The following DENND11 variants were observed in gnomAD, a reference collection of about 807,000 sequenced individuals.
DENND11 encodes DENN domain containing 11.
A neutral mutation model predicts 49.2 loss-of-function variants in DENND11; 34 were observed. That is an observed-to-expected ratio of 0.69 (90% CI 0.53 to 0.92). The LOEUF is 0.92. Among genes scored for constraint, DENND11 ranks in the 40% least tolerant of loss-of-function variants. The probability of loss-of-function intolerance (pLI) is 0.00; values close to 1 mark genes in which losing one functional copy is unlikely to be tolerated. For missense variants in DENND11, 475 were observed against 581.6 expected (o/e 0.82, Z 1.88); for synonymous variants, 238 against 230.3 (o/e 1.03, Z -0.30).
rs369145334 is a variant in DENND11, at chr7:141,683,278, TAAAAG to T, written c.527+2195_527+2199del. On this transcript the variant is annotated intron_variant, in intron 3 of 8. Coordinates refer to ENST00000536163, the MANE Select transcript of DENND11 (RefSeq NM_001080392.2). Reference sequence around the variant, plus strand: ...AAGAAAAAGTTCCTAAAATTAAAAATAAAAGAACTATCTATTGAGCAAAGGGGACA... The same window carrying T: ...AAGAAAAAGTTCCTAAAATTAAAAATAACTATCTATTGAGCAAAGGGGACA... Among the ~76,000 whole-genome samples, 554 of 152,230 alleles carry T rather than the reference TAAAAG, an allele frequency of 3.6e-3. 4 individuals carry two copies. Among genetic ancestry groups the T allele is most frequent in the Middle Eastern group, 0.02 (6 of 294 alleles).
At position 141,661,681 on chromosome 7, in the gene DENND11, T is replaced by C. The variant is rs1797796583; in HGVS notation, c.*975A>G. The C allele has an allele frequency of 6.6e-6, 1 of 152,214 alleles. No homozygotes were observed. The highest frequency in any genetic ancestry group is 2.4e-5 in the African/African-American group (1 of 41,446). 9.4% of individuals were successfully genotyped at this position (152,214 alleles called of 1,614,324 possible). ...TAGATTTTGGAATCCAGTAAATCTG[T>C]GTTGACCCAGAGGTGCTGCTGCTAA... On this transcript the variant is annotated 3_prime_UTR_variant, in exon 9 of 9. Transcript: ENST00000536163.
At chr7:141,688,163 G>A (rs575552168) in intron 1 of DENND11, among the ~76,000 whole-genome samples, 2 of 152,186 alleles carry the variant, frequency 1.3e-5, no homozygotes, top group Non-Finnish European at 2.9e-5. Flanking sequence ...CTAGAGTCTT[G>A]AGAGAACACT....
At position 141,660,017 on chromosome 7, in the gene DENND11, C is replaced by G. The variant is rs768416770; in HGVS notation, c.*2639G>C. On this transcript the variant is annotated 3_prime_UTR_variant, in exon 9 of 9. Coordinates refer to ENST00000536163, the MANE Select transcript of DENND11 (RefSeq NM_001080392.2). ...GGTAGCAAAGGATCCTAGGTTGTGC[C>G]TGTTAATCTGTCATGTTGGGGAGCA... is the stretch of plus-strand genomic sequence containing the variant. 6.6e-6 allele frequency: 1 copy of G among 152,108 alleles called. No homozygotes were observed. Among genetic ancestry groups the G allele is most frequent in the Non-Finnish European group, 1.5e-5 (1 of 68,032 alleles). The allele number at this position is 152,108 out of a possible 1,614,324, so 9.4% of individuals were successfully genotyped here.
intron 3 of DENND11, among the ~76,000 whole-genome samples, chr7:141,677,433 A>G (rs566532084): frequency 1.7e-3 from 245 of 141,004 alleles, no homozygotes; most frequent in African/African-American, 3.8e-3. Flanking sequence ...ACACATATAT[A>G]TGTGTGTGTG....
chr7:141,680,893 G>A (rs369319046), intron 3 of DENND11, among the ~76,000 whole-genome samples: 1 of 152,074 alleles, frequency 6.6e-6, no homozygotes, highest in African/African-American at 2.4e-5. Context: ...TGGAAAAGCT[G>A]TAATTCTATC....
chr7:141,691,796 T>G (rs1401024241), intron 1 of DENND11, among the ~76,000 whole-genome samples: 1 of 152,246 alleles, frequency 6.6e-6, no homozygotes, highest in African/African-American at 2.4e-5. Flanking sequence ...ATGATAATCA[T>G]GTCTTTGACG....
chr7:141,661,310 C>T lies in DENND11; in HGVS notation c.*1346G>A, dbSNP rs1797789468. ...TATGGCCAAAAAGGCCTAAACTCGA[C>T]CCACAGGAACTGGCTTTCTAACTGG... On this transcript the variant is annotated 3_prime_UTR_variant, in exon 9 of 9. Transcript: ENST00000536163. The T allele has an allele frequency of 6.6e-6, 1 of 152,210 alleles. No individual in the cohort carries two copies. The highest frequency in any genetic ancestry group is 1.5e-5 in the Non-Finnish European group (1 of 68,052). The allele number at this position is 152,210 out of a possible 1,614,324, so 9.4% of individuals were successfully genotyped here. A position where few individuals can be genotyped will look rare whatever the true frequency, so the allele number is the denominator to read the frequency against.
At chr7:141,679,484 G>A (rs534756322) in intron 3 of DENND11, among the ~76,000 whole-genome samples, 22 of 152,078 alleles carry the variant, frequency 1.4e-4, no homozygotes, top group African/African-American at 5.1e-4. Flanking sequence ...AGGCTGAGGC[G>A]GGTAGATCAC....
intron 4 of DENND11, among the ~76,000 whole-genome samples, chr7:141,670,339 G>A (rs1797961925): frequency 6.6e-6 from 1 of 152,088 alleles, no homozygotes; most frequent in African/African-American, 2.4e-5. Flanking sequence ...CATATCACAT[G>A]TACAGTCGGC....
chr7:141,682,943 T>A (rs1563001462), intron 3 of DENND11, among the ~76,000 whole-genome samples: 1 of 147,756 alleles, frequency 6.8e-6, no homozygotes, highest in African/African-American at 2.5e-5. Context: ...ATAATATTAC[T>A]TCTGAGACAA....
chr7:141,696,117 T>C (rs1798409474), intron 1 of DENND11, among the ~76,000 whole-genome samples: 1 of 152,186 alleles, frequency 6.6e-6, no homozygotes. Flanking sequence ...GCTGAGGATG[T>C]ACAGATGGTC....
In DENND11 at chr7:141,669,835, G is replaced by A. The variant is rs796730752; in HGVS notation, c.682-3410C>T. On this transcript the variant is annotated intron_variant, in intron 4 of 8. Coordinates refer to ENST00000536163, the MANE Select transcript of DENND11 (RefSeq NM_001080392.2). ...TTTTTTTTTTTTTTTTTTTTGAGAC[G>A]GAGTCTCGCTGTCGCCCAGGCTGGA... 4.6e-4 allele frequency among the ~76,000 whole-genome samples: 56 copies of A among 121,266 alleles called. 1 individual carries two copies. The highest frequency in any genetic ancestry group is 1.4e-3 in the African/African-American group (45 of 32,418). The allele number at this position is 121,266 out of a possible 152,430, so 79.6% of individuals were successfully genotyped here. A position where few individuals can be genotyped will look rare whatever the true frequency, so the allele number is the denominator to read the frequency against.
intron 1 of DENND11, among the ~76,000 whole-genome samples, chr7:141,696,890 C>G (rs555740573): frequency 6.6e-6 from 1 of 152,304 alleles, no homozygotes; most frequent in Admixed American, 6.5e-5. Flanking sequence ...TTAAAACCAC[C>G]TAGTCTGAGA....
Position 141,664,021 on chromosome 7 carries a change from G to C in DENND11, c.1172+151C>G, listed in dbSNP as rs554831353. On this transcript the variant is annotated intron_variant, in intron 8 of 8. Transcript: ENST00000536163. ...CCCCCTAATGGCATTTCAGGGCTCA[G>C]GTTTGCCTCTGTAAGGAGCCCGGCT... 1.4e-5 allele frequency: 8 copies of C among 583,486 alleles called. No homozygotes were observed. In the East Asian group the frequency reaches 1.7e-4, roughly 12 times the overall value. 36.1% of individuals were successfully genotyped at this position (583,486 alleles called of 1,614,324 possible).
At position 141,660,047 on chromosome 7, in the gene DENND11, C is replaced by G. The variant is rs563701011; in HGVS notation, c.*2609G>C. On this transcript the variant is annotated 3_prime_UTR_variant, in exon 9 of 9. Coordinates refer to ENST00000536163, the MANE Select transcript of DENND11 (RefSeq NM_001080392.2). The stretch of plus-strand genomic sequence containing the variant: ...AATCTGTCATGTTGGGGAGCAGAAT[C>G]TGGCATAGAGCAAGGCTTCGAAAGG... 2 of 152,298 alleles carry G rather than the reference C, an allele frequency of 1.3e-5. No homozygotes were observed. Among genetic ancestry groups the G allele is most frequent in the Admixed American group, 6.5e-5 (1 of 15,290 alleles). The allele number at this position is 152,298 out of a possible 1,614,324, so 9.4% of individuals were successfully genotyped here. A position where few individuals can be genotyped will look rare whatever the true frequency, so the allele number is the denominator to read the frequency against.
At chr7:141,675,072 T>A (rs1311966641) in intron 3 of DENND11, among the ~76,000 whole-genome samples, 1 of 152,214 alleles carries the variant, frequency 6.6e-6, no homozygotes. Context: ...TTTACATAGG[T>A]AATCAAGTTA....
chr7:141,666,269 A>T lies in DENND11; in HGVS notation c.820+18T>A, dbSNP rs1030212782. 6 of 1,580,098 alleles carry T rather than the reference A, an allele frequency of 3.8e-6. No individual in the cohort carries two copies. Among genetic ancestry groups the T allele is most frequent in the Non-Finnish European group, 4.3e-6 (5 of 1,157,712 alleles). ...TCCAGGGATTTAAGCAGCACTCCTG[A>T]CTCTGGCTTCTGGTTACCTCTATAG... On this transcript the variant is annotated intron_variant, in intron 5 of 8. Transcript: ENST00000536163.
intron 3 of DENND11, among the ~76,000 whole-genome samples, chr7:141,684,265 G>A (rs1798195493): frequency 6.6e-6 from 1 of 152,046 alleles, no homozygotes; most frequent in South Asian, 2.1e-4. Flanking sequence ...TTGTTTCCCA[G>A]TAAAGTACTG....
intron 1 of DENND11, among the ~76,000 whole-genome samples, chr7:141,700,794 C>T (rs1189638528): frequency 6.6e-6 from 1 of 152,132 alleles, no homozygotes. Flanking sequence ...GGCCTGGAAC[C>T]CATCATCAGC....
Sources: allele counts gnomAD v4.1 joint callset (sites outside exome capture counted in the v4.1 genomes callset), GRCh38; gene constraint gnomAD v4.1.1; transcripts MANE v1.5; gene names NCBI Gene and HGNC (gene_info 2026-07-23, HGNC 2026-07-21).